EGFLAM: variants seen among roughly 807,000 people sequenced by gnomAD.
EGFLAM encodes the protein EGF like, fibronectin type III and laminin G domains.
Under a neutral mutation model 113.1 loss-of-function variants are expected in EGFLAM, and 79 were observed. The observed-to-expected ratio is 0.70, with a 90% CI of 0.58 to 0.84. The LOEUF is 0.84. EGFLAM is among the 40% of genes least tolerant of loss of function. The pLI, the probability that EGFLAM is intolerant of heterozygous loss-of-function variation, is 0.00. For synonymous variants in EGFLAM, 504 were observed against 487.6 expected, an observed-to-expected ratio of 1.03 and a Z score of -0.44; for missense variants, 1,265 against 1,291.6, an observed-to-expected ratio of 0.98 and a Z score of 0.32.
chr5:38,338,842 C>A, intron 3 of EGFLAM, 61 bp downstream of exon 3: 1 of 1,414,128 alleles, frequency 7.1e-7, no homozygotes, highest in Non-Finnish European at 1.0e-6. Flanking sequence ...GGGCGGATTG[C>A]TGATTTGGTG....
chr5:38,435,064 C>T (rs1742299806), intron 15 of EGFLAM, 73 bp from the exon 16 acceptor site: 2 of 1,317,660 alleles, frequency 1.5e-6, no homozygotes, highest in South Asian at 2.4e-5. Flanking sequence ...CAACAGGGAA[C>T]TGAAGACACA....
chr5:38,351,399 G>T (rs1226443457), intron 4 of EGFLAM, among the ~76,000 whole-genome samples: 1 of 152,052 alleles, frequency 6.6e-6, no homozygotes, highest in Non-Finnish European at 1.5e-5. Flanking sequence ...AAGCCACCGC[G>T]CCTGGTGACA....
chr5:38,402,701 T>G (rs1741153488), intron 6 of EGFLAM, among the ~76,000 whole-genome samples: 1 of 152,338 alleles, frequency 6.6e-6, no homozygotes, highest in Admixed American at 6.5e-5. Context: ...TTGAAAAGTT[T>G]AGAAATATAT....
intron 1 of EGFLAM, among the ~76,000 whole-genome samples, chr5:38,275,756 C>A (rs1443389405): frequency 6.6e-6 from 1 of 152,106 alleles, no homozygotes; most frequent in Non-Finnish European, 1.5e-5. Flanking sequence ...CTAACAGTTG[C>A]AGAATACACA....
chr5:38,259,226 A>G (rs900652676), intron 1 of EGFLAM, among the ~76,000 whole-genome samples: 4 of 152,106 alleles, frequency 2.6e-5, no homozygotes, highest in African/African-American at 9.7e-5. Context: ...TACTCAATTC[A>G]TATTGTCCAG....
In EGFLAM at chr5:38,412,652, T is replaced by G; in HGVS notation, c.1494+4T>G. ...CCCAGTGACAGGCCAGTCTCAGGTATGTATGAGCCCCACACCCTGCCCACC... is the reference window on the plus strand; with the variant it reads ...CCCAGTGACAGGCCAGTCTCAGGTAGGTATGAGCCCCACACCCTGCCCACC... On this transcript the variant is annotated splice_donor_region_variant and intron_variant, in intron 11 of 21. Transcript: ENST00000322350. 6.2e-7 allele frequency: 1 copy of G among 1,613,348 alleles called. No individual in the cohort carries two copies. The highest frequency in any genetic ancestry group is 8.5e-7 in the Non-Finnish European group (1 of 1,179,902).
rs148241267 is a variant in EGFLAM, at chr5:38,336,570, T to TACACAC, written c.98-926_98-921dup. The stretch of plus-strand genomic sequence containing the variant: ...GCCTGGGCGACAGAGTGAGACTCCG[T>TACACAC]ACACACACACACACACACACACACA... On this transcript the variant is annotated intron_variant, in intron 1 of 21. Coordinates refer to ENST00000322350, the MANE Select transcript of EGFLAM (RefSeq NM_152403.4). Among the ~76,000 whole-genome samples, 345 of 142,266 alleles carry TACACAC rather than the reference T, an allele frequency of 2.4e-3. 1 individual carries two copies. Among genetic ancestry groups the TACACAC allele is most frequent in the Middle Eastern group, 0.01 (3 of 290 alleles). 93.3% of individuals were successfully genotyped at this position (142,266 alleles called of 152,430 possible). A position where few individuals can be genotyped will look rare whatever the true frequency, so the allele number is the denominator to read the frequency against.
intron 16 of EGFLAM, 98 bp downstream of exon 16, chr5:38,435,351 C>T: frequency 1.1e-6 from 1 of 913,194 alleles, no homozygotes; most frequent in South Asian, 1.6e-5. Flanking sequence ...CCAAGAAAGA[C>T]ACTTTGAGAA....
intron 6 of EGFLAM, among the ~76,000 whole-genome samples, chr5:38,402,316 C>T (rs1046488466): frequency 2.6e-5 from 4 of 152,090 alleles, no homozygotes; most frequent in Admixed American, 2.6e-4. Context: ...AAAATCTAGC[C>T]CTGCCATTCC....
chr5:38,268,482 G>A (rs1021292237), intron 1 of EGFLAM, among the ~76,000 whole-genome samples: 15 of 152,128 alleles, frequency 9.9e-5, no homozygotes, highest in African/African-American at 3.4e-4. Flanking sequence ...GGGAAATGTC[G>A]TTCAGTAGTG....
chr5:38,447,775 AG>A (rs1561099941), intron 17 of EGFLAM, among the ~76,000 whole-genome samples: 1 of 151,220 alleles, frequency 6.6e-6, no homozygotes, highest in Non-Finnish European at 1.5e-5. Context: ...AAAAAAAAAA[AG>A]ATCTTGTGAA....
chr5:38,372,148 T>G (rs1489829864), intron 6 of EGFLAM, among the ~76,000 whole-genome samples: 1 of 151,978 alleles, frequency 6.6e-6, no homozygotes, highest in Non-Finnish European at 1.5e-5. Context: ...CTGCTCCTTT[T>G]TTTTTTTTTC....
At chr5:38,361,000 A>G (rs1488550995) in intron 5 of EGFLAM, among the ~76,000 whole-genome samples, 3 of 150,002 alleles carry the variant, frequency 2.0e-5, no homozygotes, top group African/African-American at 7.4e-5. Flanking sequence ...GATTACAGGC[A>G]TGTGCCACCA....
At chr5:38,387,000 G>A (rs1426762948) in intron 6 of EGFLAM, among the ~76,000 whole-genome samples, 1 of 152,272 alleles carries the variant, frequency 6.6e-6, no homozygotes, top group African/African-American at 2.4e-5. Flanking sequence ...GGGAGGTAGC[G>A]TGGCCAAGTT....
At chr5:38,315,021 A>C (rs1451615020) in intron 1 of EGFLAM, among the ~76,000 whole-genome samples, 2 of 152,218 alleles carry the variant, frequency 1.3e-5, no homozygotes, top group Non-Finnish European at 1.5e-5. Context: ...AACCTAGGCT[A>C]TCCTGACTAA....
chr5:38,391,844 T>G (rs560297350), intron 6 of EGFLAM, among the ~76,000 whole-genome samples: 10 of 151,584 alleles, frequency 6.6e-5, no homozygotes, highest in African/African-American at 2.2e-4. Flanking sequence ...TGGCGCAACC[T>G]TGGCTCACTG....
intron 14 of EGFLAM, chr5:38,430,042 G>T: frequency 4.4e-6 from 1 of 225,116 alleles, no homozygotes; most frequent in Non-Finnish European, 9.4e-6. Context: ...GGGGATATCC[G>T]GTGGCTGTAG....
intron 6 of EGFLAM, among the ~76,000 whole-genome samples, chr5:38,393,467 TG>T (rs1310460788): frequency 3.3e-5 from 5 of 152,146 alleles, no homozygotes; most frequent in African/African-American, 1.2e-4. Flanking sequence ...CCACTCCTCA[TG>T]GCAGGAAGAG....
chr5:38,291,296 T>C (rs1360043398), intron 1 of EGFLAM, among the ~76,000 whole-genome samples: 3 of 152,246 alleles, frequency 2.0e-5, no homozygotes, highest in East Asian at 3.8e-4. Context: ...AATATCCATA[T>C]GCATATTCAT....
Sources: gnomAD v4.1 joint callset for allele counts (sites outside exome capture counted in the v4.1 genomes callset) on GRCh38, gnomAD v4.1.1 for gene constraint, MANE v1.5 for transcripts, NCBI Gene and HGNC (gene_info 2026-07-23, HGNC 2026-07-21) for gene names.